AGBL4: variants seen among roughly 807,000 people sequenced by gnomAD.
AGBL4 encodes cytosolic carboxypeptidase 6.
In AGBL4, 58 loss-of-function variants were observed where a neutral mutation model predicts 66.4. The ratio of observed to expected loss-of-function variants is 0.87; its 90% confidence interval spans 0.71 to 1.09. The LOEUF (loss-of-function observed/expected upper bound fraction) is 1.09. Ranked by LOEUF, AGBL4 falls within the 50% of genes least tolerant of loss-of-function variation. The probability of loss-of-function intolerance (pLI) is 0.00; values close to 1 mark genes in which losing one functional copy is unlikely to be tolerated. For missense variants in AGBL4, 579 were observed against 631.0 expected (o/e 0.92, Z 0.88); for synonymous variants, 234 against 222.9 (o/e 1.05, Z -0.44).
intron 3 of AGBL4, among the ~76,000 whole-genome samples, chr1:49,594,514 GC>G (rs1359123562): frequency 6.6e-6 from 1 of 151,940 alleles, no homozygotes; most frequent in Non-Finnish European, 1.5e-5. Flanking sequence ...CCCTTCCCTT[GC>G]CTCCCATCCA....
chr1:49,712,256 A>G (rs1317454088), intron 2 of AGBL4, among the ~76,000 whole-genome samples: 2 of 151,944 alleles, frequency 1.3e-5, no homozygotes, highest in Admixed American at 6.6e-5. Flanking sequence ...TAAAGGCTGA[A>G]TAATATTCCA....
At chr1:48,799,446 A>G (rs1205086652) in intron 6 of AGBL4, among the ~76,000 whole-genome samples, 1 of 152,146 alleles carries the variant, frequency 6.6e-6, no homozygotes, top group Admixed American at 6.5e-5. Flanking sequence ...GCAAACAGTG[A>G]CAGTTTAACT....
intron 6 of AGBL4, among the ~76,000 whole-genome samples, chr1:48,845,851 T>C (rs962738999): frequency 6.6e-5 from 10 of 152,218 alleles, no homozygotes; most frequent in Admixed American, 6.5e-4. Flanking sequence ...ATAACAATTA[T>C]GGTATTTAAT....
chr1:49,070,333 G>T (rs548548586), intron 4 of AGBL4, among the ~76,000 whole-genome samples: 2 of 152,018 alleles, frequency 1.3e-5, no homozygotes, highest in Non-Finnish European at 2.9e-5. Flanking sequence ...AATACTTCCA[G>T]TTTTTGCCCA....
At chr1:48,613,575 T>C (rs1000494760) in intron 9 of AGBL4, among the ~76,000 whole-genome samples, 1 of 152,232 alleles carries the variant, frequency 6.6e-6, no homozygotes, top group African/African-American at 2.4e-5. Context: ...GGACACGCTT[T>C]GGCTAACGGA....
intron 4 of AGBL4, among the ~76,000 whole-genome samples, chr1:49,077,108 G>C (rs1244372569): frequency 1.3e-5 from 2 of 151,970 alleles, no homozygotes; most frequent in African/African-American, 4.8e-5. Flanking sequence ...GTGTGTGTGT[G>C]TGTGTCTCCC....
chr1:48,681,754 G>A (rs1457280932), intron 6 of AGBL4, among the ~76,000 whole-genome samples: 1 of 152,186 alleles, frequency 6.6e-6, no homozygotes, highest in Admixed American at 6.5e-5. Flanking sequence ...AGGCCTTGAG[G>A]GATGCGTTAC....
At chr1:48,586,531 T>G in intron 11 of AGBL4, 1 of 162,308 alleles carries the variant, frequency 6.2e-6, no homozygotes, top group Non-Finnish European at 1.3e-5. Flanking sequence ...GAAGGGGAAA[T>G]AGTGAGTAGA....
At chr1:49,509,337 G>A (rs1036424096) in intron 3 of AGBL4, among the ~76,000 whole-genome samples, 2 of 151,750 alleles carry the variant, frequency 1.3e-5, no homozygotes, top group African/African-American at 4.8e-5. Flanking sequence ...CATATGTCAG[G>A]GCCTGTATTG....
chr1:49,036,884 C>T (rs1019034721), intron 5 of AGBL4, among the ~76,000 whole-genome samples: 1 of 151,892 alleles, frequency 6.6e-6, no homozygotes, highest in African/African-American at 2.4e-5. Flanking sequence ...AAGGTAGGCC[C>T]AGAGGGTGGG....
chr1:49,830,821 C>T (rs1274361822), intron 2 of AGBL4, among the ~76,000 whole-genome samples: 1 of 152,188 alleles, frequency 6.6e-6, no homozygotes. Context: ...CAGTTTTCTG[C>T]ATATGGCTAG....
chr1:48,829,524 A>G (rs1410210927), intron 6 of AGBL4, among the ~76,000 whole-genome samples: 2 of 152,206 alleles, frequency 1.3e-5, no homozygotes, highest in Non-Finnish European at 2.9e-5. Flanking sequence ...TTGGAAAAGT[A>G]TAAGTTCTGC....
chr1:49,936,594 C>T (rs550951226), intron 1 of AGBL4, among the ~76,000 whole-genome samples: 4 of 152,240 alleles, frequency 2.6e-5, no homozygotes, highest in Admixed American at 6.5e-5. Flanking sequence ...AGAGAAAGGT[C>T]GGGTTACCCA....
chr1:48,942,320 G>T (rs369505267), intron 5 of AGBL4, among the ~76,000 whole-genome samples: 1,949 of 151,822 alleles, frequency 0.013, 48 homozygotes, highest in African/African-American at 0.041. Flanking sequence ...TGGGGGGGGG[G>T]GGTTGTGGTA....
At chr1:49,619,500 C>T (rs1448502815) in intron 3 of AGBL4, among the ~76,000 whole-genome samples, 1 of 152,152 alleles carries the variant, frequency 6.6e-6, no homozygotes, top group Non-Finnish European at 1.5e-5. Flanking sequence ...ACATTCCATT[C>T]TCATTGATAG....
At chr1:48,587,578 C>A (rs1644843246) in intron 10 of AGBL4, among the ~76,000 whole-genome samples, 1 of 151,838 alleles carries the variant, frequency 6.6e-6, no homozygotes, top group South Asian at 2.1e-4. Context: ...GCCTAGGCAA[C>A]ATAGTGAGAC....
At chr1:49,352,903 G>C (rs777807064) in intron 3 of AGBL4, among the ~76,000 whole-genome samples, 45 of 152,242 alleles carry the variant, frequency 3.0e-4, no homozygotes, top group Non-Finnish European at 5.0e-4. Context: ...TTCAAACCTA[G>C]GTTGGACTGG....
At chr1:48,985,698 A>G (rs1425068112) in intron 5 of AGBL4, among the ~76,000 whole-genome samples, 1 of 152,144 alleles carries the variant, frequency 6.6e-6, no homozygotes, top group Non-Finnish European at 1.5e-5. Context: ...AAAAACATTT[A>G]CAGGAAAACA....
intron 2 of AGBL4, among the ~76,000 whole-genome samples, chr1:49,797,281 C>T (rs1644753984): frequency 6.6e-6 from 1 of 152,090 alleles, no homozygotes; most frequent in African/African-American, 2.4e-5. Context: ...AATTGTGATG[C>T]CTTGGCATTC....
Sources: gnomAD v4.1 joint callset for allele counts (sites outside exome capture counted in the v4.1 genomes callset) on GRCh38, gnomAD v4.1.1 for gene constraint, MANE v1.5 for transcripts, NCBI Gene and HGNC (gene_info 2026-07-23, HGNC 2026-07-21) for gene names.